SEMA3E: variants seen among roughly 807,000 people sequenced by gnomAD.
SEMA3E encodes the protein semaphorin 3E.
SEMA3E carries 49 observed loss-of-function variants against 93.6 expected under a neutral mutation model. That is an observed-to-expected ratio of 0.52 (90% CI 0.42 to 0.66). The LOEUF (loss-of-function observed/expected upper bound fraction) is 0.66. Ranked by LOEUF, SEMA3E falls within the 30% of genes least tolerant of loss-of-function variation. The probability of loss-of-function intolerance (pLI) is 0.00; values close to 1 mark genes in which losing one functional copy is unlikely to be tolerated. For synonymous variants in SEMA3E, 363 were observed against 330.7 expected (o/e 1.10, Z -1.06); for missense variants, 906 against 964.8 (o/e 0.94, Z 0.81).
chr7:83,540,293 G>A (rs769935840), intron 1 of SEMA3E, among the ~76,000 whole-genome samples: 2 of 152,146 alleles, frequency 1.3e-5, no homozygotes, highest in Non-Finnish European at 2.9e-5. Context: ...TAGCCAGTAG[G>A]CATAATCTTT....
intron 1 of SEMA3E, among the ~76,000 whole-genome samples, chr7:83,632,533 G>A (rs1793807332): frequency 6.6e-6 from 1 of 152,094 alleles, no homozygotes; most frequent in Non-Finnish European, 1.5e-5. Flanking sequence ...CTCTGTCTTT[G>A]CCTGCTGTCA....
At chr7:83,496,326 AT>A (rs976680508) in intron 1 of SEMA3E, among the ~76,000 whole-genome samples, 11 of 151,986 alleles carry the variant, frequency 7.2e-5, no homozygotes, top group African/African-American at 2.7e-4. Context: ...AAATGAATGC[AT>A]TTTTTGCAGA....
chr7:83,423,660 C>T (rs987042241), intron 4 of SEMA3E, among the ~76,000 whole-genome samples: 11 of 138,450 alleles, frequency 7.9e-5, no homozygotes, highest in East Asian at 4.7e-4. Flanking sequence ...CCCACCACCA[C>T]GCCCGGCTAA....
Position 83,392,716 on chromosome 7 carries a change from C to A in SEMA3E, c.1506G>T (p.Gln502His), listed in dbSNP as rs1170846873. 1.2e-6 allele frequency: 2 copies of A among 1,613,628 alleles called. No homozygotes were observed. The highest frequency in any genetic ancestry group is 3.3e-5 in the Admixed American group (2 of 59,954). ...CAGCAGAAGCAGATCCAATATACAG[C>A]TGTTGCTACAGAAATCAGAAAGAGG... is the stretch of plus-strand genomic sequence containing the variant. ...ISMEISSKRQ[Q>H]LYIGSASAVA... Residue 502 changes from glutamine (Q) to histidine (H), a missense_variant, in exon 14 of 17, where the codon CAG becomes CAT. Transcript: ENST00000643230.
chr7:83,571,121 G>A lies in SEMA3E; in HGVS notation c.115+77307C>T, dbSNP rs561677577. Among the ~76,000 whole-genome samples the A allele has an allele frequency of 1.9e-4, 28 of 150,628 alleles. No individual in the cohort carries two copies. The South Asian group carries it at 5.7e-3, about 30-fold the overall frequency. On this transcript the variant is annotated intron_variant, in intron 1 of 16. Transcript: ENST00000643230. ...AGAAAAGAAAAAATCCTGGTCAGAT[G>A]GATTTGCAGCCAAATTCTAACAGAT...
rs1466912472 is a variant in SEMA3E at position 83,611,571 on chromosome 7, T to C, written c.115+36857A>G. On this transcript the variant is annotated intron_variant, in intron 1 of 16. Transcript: ENST00000643230. Reference sequence around the variant, plus strand: ...CATCAGGAAATGACAGCTTCAATCTTCCAGCTGTTCAGGCCAAAACACTTG... The same window carrying C: ...CATCAGGAAATGACAGCTTCAATCTCCCAGCTGTTCAGGCCAAAACACTTG... 2.6e-5 allele frequency among the ~76,000 whole-genome samples: 4 copies of C among 151,386 alleles called. No individual in the cohort carries two copies. The East Asian group carries it at 7.8e-4, about 29-fold the overall frequency.
At position 83,540,509 on chromosome 7, in the gene SEMA3E, C is replaced by T. The variant is rs377647821; in HGVS notation, c.116-50235G>A. ...ATATTATGTCCCTAGAATGCATGTA[C>T]CTATTCTAAATAGATCACTCTAAAA... On this transcript the variant is annotated intron_variant, in intron 1 of 16. Transcript: ENST00000643230. Among the ~76,000 whole-genome samples, 9 of 152,118 alleles carry T rather than the reference C, an allele frequency of 5.9e-5. 1 individual carries two copies. Among genetic ancestry groups the T allele is most frequent in the Admixed American group, 6.5e-5 (1 of 15,282 alleles).
intron 1 of SEMA3E, among the ~76,000 whole-genome samples, chr7:83,560,879 C>T (rs1042320215): frequency 9.2e-5 from 14 of 151,780 alleles, no homozygotes; most frequent in Admixed American, 5.9e-4. Flanking sequence ...TTATAAAGTA[C>T]GTAACAGATT....
intron 1 of SEMA3E, among the ~76,000 whole-genome samples, chr7:83,521,464 T>C (rs1239198161): frequency 1.3e-5 from 2 of 152,178 alleles, no homozygotes; most frequent in Admixed American, 1.3e-4. Flanking sequence ...TGGAATTTTG[T>C]TTTAAGTTTC....
intron 1 of SEMA3E, among the ~76,000 whole-genome samples, chr7:83,627,585 G>T (rs1466698239): frequency 1.4e-5 from 2 of 145,856 alleles, no homozygotes; most frequent in African/African-American, 2.5e-5. Flanking sequence ...TCTGTTTGTT[G>T]GTTTAAAGGC....
At chr7:83,590,491 T>A (rs1463763126) in intron 1 of SEMA3E, among the ~76,000 whole-genome samples, 1 of 152,174 alleles carries the variant, frequency 6.6e-6, no homozygotes. Flanking sequence ...CGCTCACCAT[T>A]GTTAGGTGTA....
intron 1 of SEMA3E, among the ~76,000 whole-genome samples, chr7:83,550,075 T>G (rs1055688982): frequency 3.1e-5 from 3 of 97,638 alleles, no homozygotes; most frequent in African/African-American, 2.0e-4. Context: ...CACAAATCAA[T>G]CCACAAAAAA....
chr7:83,536,213 T>A (rs958140797), intron 1 of SEMA3E, among the ~76,000 whole-genome samples: 1 of 152,126 alleles, frequency 6.6e-6, no homozygotes, highest in African/African-American at 2.4e-5. Flanking sequence ...TGATTTTTTT[T>A]AATGAATTGA....
chr7:83,539,895 G>GTGTGTGTGTGTGTGTT (rs1367132669), intron 1 of SEMA3E, among the ~76,000 whole-genome samples: 2 of 150,426 alleles, frequency 1.3e-5, no homozygotes, highest in African/African-American at 4.9e-5. Context: ...GTGTGTGTGT[G>GTGTGTGTGTGTGTGTT]TTTGAAGTGG....
intron 4 of SEMA3E, among the ~76,000 whole-genome samples, chr7:83,456,622 A>AT (rs10667838): frequency 0.016 from 2,287 of 145,590 alleles, 75 homozygotes; most frequent in Admixed American, 0.052. Flanking sequence ...TTATTTATTT[A>AT]TTATTTTTGA....
chr7:83,477,876 A>C (rs1790050192), intron 2 of SEMA3E, among the ~76,000 whole-genome samples: 1 of 152,038 alleles, frequency 6.6e-6, no homozygotes, highest in Non-Finnish European at 1.5e-5. Context: ...AGAATTATCT[A>C]ACAGAACTAT....
chr7:83,440,116 A>G (rs373884983), intron 4 of SEMA3E, among the ~76,000 whole-genome samples: 1 of 152,202 alleles, frequency 6.6e-6, no homozygotes, highest in African/African-American at 2.4e-5. Flanking sequence ...TTCATCACAA[A>G]TATTTAATAG....
rs73708509 is a variant in SEMA3E at position 83,604,356 on chromosome 7, C to T, written c.115+44072G>A. ...GAAAAAGTACTTGAATGTTAAAAGT[C>T]TCTGACTAAATTTAGGTAGAAATGA... On this transcript the variant is annotated intron_variant, in intron 1 of 16. Transcript: ENST00000643230. 5.4e-3 allele frequency among the ~76,000 whole-genome samples: 826 copies of T among 151,696 alleles called. 4 individuals carry two copies. The highest frequency in any genetic ancestry group is 0.018 in the African/African-American group (764 of 41,422).
chr7:83,392,555 C>T lies in SEMA3E; in HGVS notation c.1667G>A (p.Arg556Lys), dbSNP rs757971100. ...TAGTTAATCAGGTAGCACGTCTCAC[C>T]TTTTTGCATGTGTGCCTGTTGGGTA... ...RYYPTGTHAK[R>K]RFRRQDVRHG... The change falls in exon 14 of 17, where the codon AGG becomes AAG. Residue 556 changes from arginine to lysine, a missense_variant and splice_region_variant. Coordinates refer to ENST00000643230, the MANE Select transcript of SEMA3E (RefSeq NM_012431.3). The T allele has an allele frequency of 1.2e-6, 2 of 1,612,476 alleles. No individual in the cohort carries two copies. Among genetic ancestry groups the T allele is most frequent in the African/African-American group, 2.7e-5 (2 of 74,648 alleles).
Sources: allele counts gnomAD v4.1 joint callset (sites outside exome capture counted in the v4.1 genomes callset), GRCh38; gene constraint gnomAD v4.1.1; transcripts MANE v1.5; gene names NCBI Gene and HGNC (gene_info 2026-07-23, HGNC 2026-07-21).